HBS1L: variants seen among roughly 807,000 people sequenced by gnomAD.
The protein encoded by HBS1L is HBS1-like protein.
A neutral mutation model predicts 88.9 loss-of-function variants in HBS1L; 55 were observed. That is an observed-to-expected ratio of 0.62 (90% CI 0.50 to 0.77). The LOEUF is 0.77. HBS1L is among the 30% of genes least tolerant of loss of function. The pLI, the probability that HBS1L is intolerant of heterozygous loss-of-function variation, is 0.00. For synonymous variants in HBS1L, 267 were observed against 288.5 expected (o/e 0.93, Z 0.76); for missense variants, 741 against 829.3 (o/e 0.89, Z 1.31).
At chr6:134,985,926 A>G (rs1017057483) in intron 11 of HBS1L, 140 bp downstream of exon 11, 3 of 597,010 alleles carry the variant, frequency 5.0e-6, no homozygotes, top group Non-Finnish European at 5.9e-6. Context: ...ATTGCACATG[A>G]TGACAAAACA....
chr6:134,975,581 A>G (rs1248741681), intron 15 of HBS1L, among the ~76,000 whole-genome samples: 1 of 152,206 alleles, frequency 6.6e-6, no homozygotes, highest in Non-Finnish European at 1.5e-5. Flanking sequence ...GCAACAGAAT[A>G]GAGAACCCAG....
At chr6:135,023,971 A>C (rs1776147541) in intron 4 of HBS1L, among the ~76,000 whole-genome samples, 1 of 151,202 alleles carries the variant, frequency 6.6e-6, no homozygotes, top group Non-Finnish European at 1.5e-5. Context: ...TTTTAACACT[A>C]TTTTTTCAAT....
chr6:135,036,335 C>A, intron 4 of HBS1L: 2 of 1,139,872 alleles, frequency 1.8e-6, no homozygotes, highest in Non-Finnish European at 2.2e-6. Context: ...ACTTTGTAAA[C>A]ATATACTCAG....
At chr6:134,975,059 T>C (rs1774604541) in intron 15 of HBS1L, among the ~76,000 whole-genome samples, 1 of 152,090 alleles carries the variant, frequency 6.6e-6, no homozygotes, top group East Asian at 1.9e-4. Flanking sequence ...ATGAATTCAG[T>C]AAAGTCTCAG....
At chr6:134,968,868 A>C (rs1355329070) in intron 16 of HBS1L, among the ~76,000 whole-genome samples, 2 of 152,224 alleles carry the variant, frequency 1.3e-5, no homozygotes, top group Non-Finnish European at 2.9e-5. Context: ...GGTGACAAGA[A>C]AGTTAAACAC....
At chr6:135,028,597 T>C (rs906837546) in intron 4 of HBS1L, among the ~76,000 whole-genome samples, 3 of 152,128 alleles carry the variant, frequency 2.0e-5, no homozygotes, top group Admixed American at 6.5e-5. Context: ...CCAAAGAGCA[T>C]ACACATACAC....
chr6:134,984,764 C>A (rs924470373), intron 12 of HBS1L, among the ~76,000 whole-genome samples: 3 of 152,118 alleles, frequency 2.0e-5, no homozygotes, highest in Non-Finnish European at 2.9e-5. Flanking sequence ...AGCTCTGAAC[C>A]TCTTCTACGT....
intron 1 of HBS1L, among the ~76,000 whole-genome samples, chr6:135,050,939 T>C (rs953068724): frequency 6.6e-6 from 1 of 152,184 alleles, no homozygotes; most frequent in East Asian, 1.9e-4. Context: ...ATAAAAAATA[T>C]ACTTGAGGCC....
chr6:134,994,920 C>T (rs149335836), intron 7 of HBS1L, among the ~76,000 whole-genome samples: 7 of 152,198 alleles, frequency 4.6e-5, no homozygotes, highest in African/African-American at 1.7e-4. Flanking sequence ...AATAATAATA[C>T]TCCCTTTTAC....
chr6:134,995,534 T>C (rs1055468669), intron 7 of HBS1L, among the ~76,000 whole-genome samples: 6 of 151,928 alleles, frequency 3.9e-5, no homozygotes, highest in Non-Finnish European at 7.4e-5. Context: ...AGGAATCAAA[T>C]AGATTATTAG....
chr6:135,037,964 C>G (rs753304329), intron 4 of HBS1L: 3 of 1,542,070 alleles, frequency 1.9e-6, no homozygotes, highest in Non-Finnish European at 2.6e-6. Context: ...AAATGATTTG[C>G]TGACTGAGGA....
intron 5 of HBS1L, among the ~76,000 whole-genome samples, chr6:134,998,708 G>C (rs537032310): frequency 6.6e-6 from 1 of 152,260 alleles, no homozygotes; most frequent in South Asian, 2.1e-4. Flanking sequence ...TTCCCTGTCA[G>C]GGCATTTTTA....
At position 134,995,441 on chromosome 6, in the gene HBS1L, A is replaced by G. The variant is rs1321584329; in HGVS notation, c.965+1336T>C. On this transcript the variant is annotated intron_variant, in intron 7 of 17. Transcript: ENST00000367837. Reference sequence around the variant, plus strand: ...ATATCATGCTGAGCAATAAAAAACTAGCAGCAGCAAAACGCAGCAGCAAAA... The same window carrying G: ...ATATCATGCTGAGCAATAAAAAACTGGCAGCAGCAAAACGCAGCAGCAAAA... 2.0e-5 allele frequency among the ~76,000 whole-genome samples: 3 copies of G among 152,098 alleles called. No homozygotes were observed. The East Asian group carries it at 5.8e-4, about 29-fold the overall frequency.
intron 4 of HBS1L, among the ~76,000 whole-genome samples, chr6:135,021,298 T>C (rs1157957856): frequency 6.6e-6 from 1 of 152,130 alleles, no homozygotes; most frequent in African/African-American, 2.4e-5. Flanking sequence ...GGATTAGGCA[T>C]GTACTTTCTC....
rs544577232 is a variant in HBS1L, at chr6:135,022,039, C to A, written c.430+17534G>T. ...ATTAAATCAGAGACCTAGCCCCTTA[C>A]GAGCTACTCTAAAACTCGAGGGGAA... On this transcript the variant is annotated intron_variant, in intron 4 of 17. Transcript: ENST00000367837. Among the ~76,000 whole-genome samples, 6 of 152,212 alleles carry A rather than the reference C, an allele frequency of 3.9e-5. No individual in the cohort carries two copies. In the South Asian group the frequency reaches 1.2e-3, roughly 32 times the overall value.
At chr6:135,045,467 T>C (rs925203567) in intron 2 of HBS1L, among the ~76,000 whole-genome samples, 4 of 152,184 alleles carry the variant, frequency 2.6e-5, no homozygotes, top group African/African-American at 7.2e-5. Context: ...TCATTAAAAA[T>C]ACAGATTTCT....
At chr6:134,979,344 G>A (rs1224085080) in intron 13 of HBS1L, 76 bp from the exon 14 acceptor site, 9 of 1,036,978 alleles carry the variant, frequency 8.7e-6, no homozygotes, top group Non-Finnish European at 1.4e-5. Flanking sequence ...GAGTTTGGCT[G>A]ATTTGTGCTT....
At chr6:135,012,119 A>T (rs1034988952) in intron 4 of HBS1L, among the ~76,000 whole-genome samples, 1 of 152,150 alleles carries the variant, frequency 6.6e-6, no homozygotes, top group Admixed American at 6.5e-5. Flanking sequence ...TATATGAATG[A>T]TATTGTTCAC....
chr6:135,008,160 A>T (rs552313717), intron 4 of HBS1L, among the ~76,000 whole-genome samples: 14 of 152,188 alleles, frequency 9.2e-5, no homozygotes, highest in Non-Finnish European at 1.5e-4. Context: ...AATCATGATC[A>T]CCCAAAAGAT....
Sources: allele counts gnomAD v4.1 joint callset (sites outside exome capture counted in the v4.1 genomes callset), GRCh38; gene constraint gnomAD v4.1.1; transcripts MANE v1.5; gene names NCBI Gene and HGNC (gene_info 2026-07-23, HGNC 2026-07-21).